C12orf60: variants seen among roughly 807,000 people sequenced by gnomAD.
C12orf60 encodes the protein uncharacterized protein C12orf60.
For synonymous variants in C12orf60, 102 were observed against 94.6 expected (o/e 1.08, Z -0.45); for missense variants, 284 against 283.2 (o/e 1.00, Z -0.02).
At position 14,805,997 on chromosome 12, in the gene C12orf60, G is replaced by T. The variant is rs530744026; in HGVS notation, c.-25+2246G>T. 394 of 1,591,744 alleles carry T rather than the reference G, an allele frequency of 2.5e-4. 5 individuals are homozygous for T. The South Asian group carries it at 4.2e-3, about 17-fold the overall frequency. ...AAAACACTTCAGTGGCAAATAAAAC[G>T]GCTGTTCATTTCATTTGGTGTTTCA... On this transcript the variant is annotated intron_variant, in intron 1 of 1. Transcript: ENST00000330828.
chr12:14,806,614 G>C, intron 1 of C12orf60: 4 of 1,613,712 alleles, frequency 2.5e-6, no homozygotes, highest in Non-Finnish European at 3.4e-6. Context: ...AGAAGCTGCT[G>C]GTGAAGACGA....
At chr12:14,806,357 G>A (rs1431846422) in intron 1 of C12orf60, 2 of 1,614,194 alleles carry the variant, frequency 1.2e-6, no homozygotes, top group African/African-American at 2.7e-5. Context: ...TTGCAATTTT[G>A]TCTGTTTCCT....
chr12:14,821,782 A>C (rs952646432), intron 1 of C12orf60, among the ~76,000 whole-genome samples: 5 of 151,776 alleles, frequency 3.3e-5, no homozygotes, highest in African/African-American at 1.2e-4. Flanking sequence ...AAACAATTTC[A>C]GCTCTTCCCA....
At chr12:14,810,406 T>C (rs17834491) in intron 1 of C12orf60, among the ~76,000 whole-genome samples, 23,757 of 152,206 alleles carry the variant, frequency 0.16, 2,164 homozygotes, top group Non-Finnish European at 0.2. Flanking sequence ...CAATTATTGA[T>C]TCATTAACAA....
At chr12:14,818,248 ATTTC>A (rs1199074834) in intron 1 of C12orf60, among the ~76,000 whole-genome samples, 2 of 152,156 alleles carry the variant, frequency 1.3e-5, no homozygotes, top group African/African-American at 4.8e-5. Context: ...ATTGCAAAAA[ATTTC>A]TTTCATTCTG....
At chr12:14,806,183 A>G in intron 1 of C12orf60, 1 of 1,614,184 alleles carries the variant, frequency 6.2e-7, no homozygotes, top group Non-Finnish European at 8.5e-7. Context: ...GGCCAAGAAC[A>G]GCAACTCCAA....
intron 1 of C12orf60, 138 bp from the exon 2 acceptor site, chr12:14,822,774 A>G: frequency 1.6e-6 from 1 of 644,896 alleles, no homozygotes. Context: ...GCATAGTACC[A>G]TTTTTGTTTC....
chr12:14,804,110 A>G (rs1950010971), intron 1 of C12orf60, among the ~76,000 whole-genome samples: 1 of 152,236 alleles, frequency 6.6e-6, no homozygotes, highest in East Asian at 1.9e-4. Context: ...GTTTTGAAGA[A>G]GAAATACGGG....
At chr12:14,821,334 G>A (rs889536778) in intron 1 of C12orf60, among the ~76,000 whole-genome samples, 1 of 152,100 alleles carries the variant, frequency 6.6e-6, no homozygotes, top group African/African-American at 2.4e-5. Context: ...GAGTTCTCAA[G>A]GCTGGAAGGC....
chr12:14,806,251 T>G (rs754424833), intron 1 of C12orf60: 35 of 1,614,118 alleles, frequency 2.2e-5, no homozygotes, highest in Non-Finnish European at 2.7e-5. Flanking sequence ...TTGTTAATTA[T>G]GCCAGTTGTG....
chr12:14,818,940 C>A (rs988584836), intron 1 of C12orf60, among the ~76,000 whole-genome samples: 4 of 152,040 alleles, frequency 2.6e-5, no homozygotes, highest in African/African-American at 9.7e-5. Context: ...AACTCTGTTC[C>A]TTTAGAAAAA....
chr12:14,811,025 C>A (rs977111561), intron 1 of C12orf60, among the ~76,000 whole-genome samples: 27 of 152,276 alleles, frequency 1.8e-4, no homozygotes, highest in Admixed American at 7.2e-4. Context: ...TCATTGATGA[C>A]CTGTCACTTT....
At chr12:14,818,409 A>G (rs1003469861) in intron 1 of C12orf60, among the ~76,000 whole-genome samples, 3 of 152,170 alleles carry the variant, frequency 2.0e-5, no homozygotes, top group Non-Finnish European at 4.4e-5. Context: ...TATGTCCTGA[A>G]TGGTATTGCC....
chr12:14,804,501 G>A (rs981833914), intron 1 of C12orf60: 1 of 152,166 alleles, frequency 6.6e-6, no homozygotes, highest in Non-Finnish European at 1.5e-5. Flanking sequence ...GAAGGTATAA[G>A]ATCGGTCCTA....
rs977569568 is a variant in C12orf60 at position 14,823,975 on chromosome 12, C to T, written c.*302C>T. 2.7e-5 allele frequency: 5 copies of T among 183,728 alleles called. No individual in the cohort carries two copies. The highest frequency in any genetic ancestry group is 5.6e-5 in the Non-Finnish European group (5 of 88,522). 11.4% of individuals were successfully genotyped at this position (183,728 alleles called of 1,614,324 possible). On this transcript the variant is annotated 3_prime_UTR_variant, in exon 2 of 2. Coordinates refer to ENST00000330828, the MANE Select transcript of C12orf60 (RefSeq NM_175874.4). ...CATCTTAAAGCATAATTAAAACAAC[C>T]CTAAAGTAGTTCCCACTCTTAACTA...
At chr12:14,818,264 A>T (rs1474137872) in intron 1 of C12orf60, among the ~76,000 whole-genome samples, 2 of 152,308 alleles carry the variant, frequency 1.3e-5, no homozygotes, top group Admixed American at 6.5e-5. Flanking sequence ...TTCATTCTGT[A>T]AGTTGCCTGT....
rs1397652817 is a variant in C12orf60, at chr12:14,823,224, G to T, written c.289G>T (p.Val97Leu). The T allele has an allele frequency of 6.2e-7, 1 of 1,614,164 alleles. No individual in the cohort carries two copies. Among genetic ancestry groups the T allele is most frequent in the Admixed American group, 1.7e-5 (1 of 60,020 alleles). The change falls in exon 2 of 2, where the codon GTG becomes TTG. Residue 97 changes from valine (V) to leucine (L), a missense_variant. By Grantham distance (32) the Val-to-Leu change is conservative. Transcript: ENST00000330828. ...CSKVAMAMCSVVQKSTNVEEL... is the reference protein window; with the variant it reads ...CSKVAMAMCSLVQKSTNVEEL... Reference sequence around the variant, plus strand: ...CAAGGTTGCAATGGCCATGTGCTCTGTGGTTCAGAAGAGTACCAATGTAGA... The same window carrying T: ...CAAGGTTGCAATGGCCATGTGCTCTTTGGTTCAGAAGAGTACCAATGTAGA...
chr12:14,816,622 C>T (rs1198267190), intron 1 of C12orf60, among the ~76,000 whole-genome samples: 2 of 152,126 alleles, frequency 1.3e-5, no homozygotes, highest in African/African-American at 4.8e-5. Context: ...CATATTCCTG[C>T]CTCTTGCAAA....
intron 1 of C12orf60, chr12:14,814,004 T>G (rs1007957207): frequency 6.6e-6 from 1 of 152,208 alleles, no homozygotes; most frequent in African/African-American, 2.4e-5. Context: ...ATAACAAAGC[T>G]GTTTTTTTAC....
Sources: allele counts gnomAD v4.1 joint callset (sites outside exome capture counted in the v4.1 genomes callset), GRCh38; gene constraint gnomAD v4.1.1; transcripts MANE v1.5; gene names NCBI Gene and HGNC (gene_info 2026-07-23, HGNC 2026-07-21).